BTAF1: variants seen among roughly 807,000 people sequenced by gnomAD.
BTAF1 encodes the protein B-TFIID TATA-box binding protein associated factor 1, also known as TATA-binding protein-associated factor 172.
BTAF1 carries 38 observed loss-of-function variants against 227.1 expected under a neutral mutation model. The observed-to-expected ratio is 0.17, with a 90% CI of 0.13 to 0.22. The LOEUF is 0.22. Ranked by LOEUF, BTAF1 falls within the 10% of genes least tolerant of loss-of-function variation. The probability of loss-of-function intolerance (pLI) is 1.00; values close to 1 mark genes in which losing one functional copy is unlikely to be tolerated. For synonymous variants in BTAF1, 742 were observed against 751.9 expected, an observed-to-expected ratio of 0.99 and a Z score of 0.21; for missense variants, 1,598 against 2,204.0, an observed-to-expected ratio of 0.73 and a Z score of 5.51.
intron 14 of BTAF1, among the ~76,000 whole-genome samples, chr10:91,967,122 G>C (rs1846971856): frequency 6.6e-6 from 1 of 152,178 alleles, no homozygotes; most frequent in African/African-American, 2.4e-5. Context: ...GCCCAGGTGA[G>C]AAGGCTACAT....
At chr10:91,955,688 A>G (rs1277283128) in intron 6 of BTAF1, among the ~76,000 whole-genome samples, 2 of 152,304 alleles carry the variant, frequency 1.3e-5, no homozygotes, top group East Asian at 3.9e-4. Flanking sequence ...TGCTTTCCAA[A>G]TAGAGGGAAT....
At chr10:91,998,586 AAG>A (rs1264642323) in intron 25 of BTAF1, among the ~76,000 whole-genome samples, 1 of 152,194 alleles carries the variant, frequency 6.6e-6, no homozygotes, top group Non-Finnish European at 1.5e-5. Flanking sequence ...GAAACACAGA[AAG>A]AGCCAGGAAT....
chr10:91,956,625 A>C lies in BTAF1; in HGVS notation c.799A>C (p.Asn267His). The change falls in exon 7 of 38, where the codon AAT becomes CAT. Residue 267 changes from asparagine to histidine, a missense_variant. Physicochemically the swap from Asn to His is moderately conservative, Grantham distance 68. This residue lies in a region of BTAF1 where 298 missense variants were observed against 395.2 expected (regional missense o/e 0.75). Coordinates refer to ENST00000265990, the MANE Select transcript of BTAF1 (RefSeq NM_003972.3). ...SANDSKVLIDNIPDSSSLIEE... is the reference protein window; with the variant it reads ...SANDSKVLIDHIPDSSSLIEE... The stretch of plus-strand genomic sequence containing the variant: ...AAATGATTCCAAAGTCTTGATTGAT[A>C]ATATTCCAGACAGCTCTTCCTTAAT... The C allele has an allele frequency of 6.2e-7, 1 of 1,609,938 alleles. No individual in the cohort carries two copies. The highest frequency in any genetic ancestry group is 8.5e-7 in the Non-Finnish European group (1 of 1,178,778).
intron 24 of BTAF1, chr10:91,997,280 A>G: frequency 7.3e-6 from 5 of 681,170 alleles, no homozygotes; most frequent in Admixed American, 3.1e-5. Context: ...GACTTATTTT[A>G]TTTTGACATT....
chr10:91,951,371 T>A (rs1156418140), intron 4 of BTAF1, 32 bp from the exon 5 acceptor site: 1 of 1,593,146 alleles, frequency 6.3e-7, no homozygotes, highest in Non-Finnish European at 8.5e-7. Flanking sequence ...CTTAACTGAT[T>A]TGGAGAAAAC....
chr10:91,952,367 T>C (rs1845828149), intron 5 of BTAF1, among the ~76,000 whole-genome samples: 1 of 152,156 alleles, frequency 6.6e-6, no homozygotes, highest in Non-Finnish European at 1.5e-5. Context: ...CATTTGTGCT[T>C]CTTAACTTTT....
chr10:91,970,834 A>G (rs549301365), intron 14 of BTAF1, among the ~76,000 whole-genome samples: 32 of 152,378 alleles, frequency 2.1e-4, no homozygotes, highest in South Asian at 1.0e-3. Flanking sequence ...GCATTAAAAG[A>G]CAAACTAAGC....
rs773570481 is a variant in BTAF1, at chr10:92,016,439, C to T, written c.4684C>T (p.Leu1562Phe). ...TLSEETEKPK[L>F]KATGHVFQAL... ...TTCTGAAGAAACTGAAAAACCAAAG[C>T]TTAAAGCTACAGGCCACGTATTCCA... The change falls in exon 33 of 38, where the codon CTT (leucine) becomes TTT (phenylalanine). Residue 1562 changes from leucine to phenylalanine, a missense_variant. By Grantham distance (22) the Leu-to-Phe change is conservative (BLOSUM62 0). Transcript: ENST00000265990. 9.5e-6 allele frequency: 15 copies of T among 1,584,446 alleles called. No individual in the cohort carries two copies. The Admixed American group carries it at 2.8e-4, about 30-fold the overall frequency.
intron 24 of BTAF1, chr10:91,996,997 C>T: frequency 2.9e-6 from 2 of 690,050 alleles, no homozygotes; most frequent in Non-Finnish European, 4.4e-6. Context: ...CCATATTATA[C>T]TAGATAATTA....
At chr10:91,963,867 G>A (rs1361900969) in intron 12 of BTAF1, among the ~76,000 whole-genome samples, 1 of 152,106 alleles carries the variant, frequency 6.6e-6, no homozygotes, top group African/African-American at 2.4e-5. Context: ...AAGTATCAAA[G>A]TAGAGTTGAA....
chr10:91,991,299 C>G (rs974128375), intron 20 of BTAF1, among the ~76,000 whole-genome samples: 5 of 70,882 alleles, frequency 7.1e-5, no homozygotes, highest in African/African-American at 1.7e-4. Context: ...TATAAATTAT[C>G]CGGACGTGGT....
chr10:91,929,627 G>T (rs1316764210), intron 1 of BTAF1, among the ~76,000 whole-genome samples: 2 of 152,156 alleles, frequency 1.3e-5, no homozygotes, highest in Non-Finnish European at 2.9e-5. Context: ...GTGGGTCCTG[G>T]ACAGGAAAAT....
Position 91,982,835 on chromosome 10 carries a change from A to G in BTAF1, c.2223+74A>G. Reference sequence around the variant, plus strand: ...TCCATTAGCTGTTAGGATTATTTACAACAGAAAAGTGAAAATTTTCGATGT... The same window carrying G: ...TCCATTAGCTGTTAGGATTATTTACGACAGAAAAGTGAAAATTTTCGATGT... On this transcript the variant is annotated intron_variant, in intron 18 of 37. Coordinates refer to ENST00000265990, the MANE Select transcript of BTAF1 (RefSeq NM_003972.3). 2 of 1,394,228 alleles carry G rather than the reference A, an allele frequency of 1.4e-6. 1 individual carries two copies. The highest frequency in any genetic ancestry group is 3.5e-5 in the South Asian group (2 of 57,344). 86.4% of individuals were successfully genotyped at this position (1,394,228 alleles called of 1,614,324 possible). A position where few individuals can be genotyped will look rare whatever the true frequency, so the allele number is the denominator to read the frequency against.
intron 14 of BTAF1, among the ~76,000 whole-genome samples, chr10:91,968,249 A>T (rs1398779249): frequency 6.6e-6 from 1 of 152,076 alleles, no homozygotes; most frequent in Non-Finnish European, 1.5e-5. Context: ...GATCTTTCTT[A>T]CTGTCTCCTT....
At chr10:92,021,904 T>C (rs1046438046) in intron 34 of BTAF1, among the ~76,000 whole-genome samples, 20 of 152,212 alleles carry the variant, frequency 1.3e-4, no homozygotes, top group Admixed American at 1.2e-3. Flanking sequence ...GTAAAACATC[T>C]AGAAGCCATT....
At chr10:91,949,762 T>G (rs1229296795) in intron 4 of BTAF1, among the ~76,000 whole-genome samples, 1 of 152,144 alleles carries the variant, frequency 6.6e-6, no homozygotes, top group African/African-American at 2.4e-5. Context: ...CTCTCTTTCT[T>G]TTGGGGTTTT....
Position 92,031,367 on chromosome 10 carries a change from G to C in BTAF1, c.*2434G>C, listed in dbSNP as rs2134207128. Among the ~76,000 whole-genome samples, 1 of 152,236 alleles carries C rather than the reference G, an allele frequency of 6.6e-6. No homozygotes were observed. The highest frequency in any genetic ancestry group is 2.1e-4 in the South Asian group (1 of 4,818). On this transcript the variant is annotated 3_prime_UTR_variant, in exon 38 of 38. Transcript: ENST00000265990. ...TTTGATGTTGGGACTGATTGAACTG[G>C]TATAGCCTTATTCCTTCTGGATGGT...
At chr10:91,946,571 T>C (rs1427846442) in intron 4 of BTAF1, among the ~76,000 whole-genome samples, 2 of 152,222 alleles carry the variant, frequency 1.3e-5, no homozygotes, top group African/African-American at 2.4e-5. Flanking sequence ...CTAACACTTA[T>C]TATCTGATGT....
intron 1 of BTAF1, among the ~76,000 whole-genome samples, chr10:91,932,558 C>T (rs990224696): frequency 6.6e-5 from 10 of 151,848 alleles, no homozygotes; most frequent in South Asian, 4.1e-4. Context: ...AAGTGTTGTG[C>T]GAGACAAAAA....
Sources: gnomAD v4.1 joint callset for allele counts (sites outside exome capture counted in the v4.1 genomes callset) on GRCh38, gnomAD v4.1.1 for gene constraint, gnomAD v4.1.1 regional missense constraint, MANE v1.5 for transcripts, NCBI Gene and HGNC (gene_info 2026-07-23, HGNC 2026-07-21) for gene names.